The following SRCIN1 variants were observed in gnomAD, a reference collection of about 807,000 sequenced individuals.
SRCIN1 encodes SRC kinase signaling inhibitor 1, also known as P130Cas-associated protein.
A neutral mutation model predicts 116.2 loss-of-function variants in SRCIN1; 50 were observed. That is an observed-to-expected ratio of 0.43 (90% CI 0.34 to 0.54). SRCIN1 has a LOEUF of 0.54. SRCIN1 is among the 20% of genes least tolerant of loss of function. The pLI, the probability that SRCIN1 is intolerant of heterozygous loss-of-function variation, is 0.02. For missense variants in SRCIN1, 1,446 were observed against 1,672.0 expected (o/e 0.86, Z 2.36); for synonymous variants, 736 against 750.0 (o/e 0.98, Z 0.30).
chr17:38,600,315 G>T (rs1043789752), intron 1 of SRCIN1, among the ~76,000 whole-genome samples: 2 of 152,244 alleles, frequency 1.3e-5, no homozygotes, highest in Admixed American at 1.3e-4. Flanking sequence ...ATGCGAAGAG[G>T]CTCTGGGGGA....
chr17:38,552,435 G>A lies in SRCIN1; in HGVS notation c.2480+12C>T. On this transcript the variant is annotated intron_variant, in intron 13 of 18. Transcript: ENST00000617146. This position sits in a 1 kb window ranked among gnomAD's most constrained non-coding sequence, Gnocchi z 5.3. ...GAACCCATGGGAAATCAGAGGTCAG[G>A]GACAGAATGACCTTCGGATCTGGGC... The A allele has an allele frequency of 1.9e-6, 3 of 1,596,958 alleles. No individual in the cohort carries two copies. Among genetic ancestry groups the A allele is most frequent in the Non-Finnish European group, 2.6e-6 (3 of 1,172,798 alleles).
At chr17:38,605,533 C>T in intron 1 of SRCIN1, 151 bp downstream of exon 1, 1 of 440,408 alleles carries the variant, frequency 2.3e-6, no homozygotes, top group South Asian at 3.0e-5. Flanking sequence ...CACACACCTG[C>T]GCCCCAGCAT....
intron 17 of SRCIN1, among the ~76,000 whole-genome samples, chr17:38,546,093 C>T (rs1905056830): frequency 6.6e-6 from 1 of 152,342 alleles, no homozygotes; most frequent in South Asian, 2.1e-4. Flanking sequence ...GCCAGCATCC[C>T]TGGCCCTGGC....
chr17:38,561,834 C>A lies in SRCIN1; in HGVS notation c.1329G>T (p.Leu443=). 6.8e-7 allele frequency: 1 copy of A among 1,477,158 alleles called. No homozygotes were observed. Among genetic ancestry groups the A allele is most frequent in the Non-Finnish European group, 8.9e-7 (1 of 1,123,508 alleles). 91.5% of individuals were successfully genotyped at this position (1,477,158 alleles called of 1,614,324 possible). ...RSLSTYSAAA[L]QSDLEDSLYK... is the part of the protein sequence containing the mutation. ...ACAGGGAGTCCTCCAGATCGGACTGCAGCGCGGCGGCCGAGTAGGTGCTGA... is the reference window on the plus strand; with the variant it reads ...ACAGGGAGTCCTCCAGATCGGACTGAAGCGCGGCGGCCGAGTAGGTGCTGA... The change falls in exon 7 of 19, where the codon CTG becomes CTT. Residue 443 remains leucine, a synonymous_variant. Coordinates refer to ENST00000617146, the MANE Select transcript of SRCIN1 (RefSeq NM_025248.3).
chr17:38,563,793 G>T lies in SRCIN1; in HGVS notation c.542-272C>A. 1 of 654,212 alleles carries T rather than the reference G, an allele frequency of 1.5e-6. No homozygotes were observed. Among genetic ancestry groups the T allele is most frequent in the Non-Finnish European group, 2.7e-6 (1 of 367,688 alleles). The allele number at this position is 654,212 out of a possible 1,614,324, so 40.5% of individuals were successfully genotyped here. ...GAAGTGGGGGCAGAGCAGGTGGGGCGGAAACTGAGGGGAAGTGAGCTGAGG... is the reference window on the plus strand; with the variant it reads ...GAAGTGGGGGCAGAGCAGGTGGGGCTGAAACTGAGGGGAAGTGAGCTGAGG... On this transcript the variant is annotated intron_variant, in intron 4 of 18. Transcript: ENST00000617146. The surrounding 1 kb of genome is among the most constrained non-coding windows in gnomAD (Gnocchi z 5.8).
rs1369958707 is a variant in SRCIN1, at chr17:38,604,570, G to A, written c.22+1114C>T. 2 of 454,180 alleles carry A rather than the reference G, an allele frequency of 4.4e-6. No individual in the cohort carries two copies. Among genetic ancestry groups the A allele is most frequent in the Admixed American group, 2.4e-5 (1 of 42,476 alleles). 28.1% of individuals were successfully genotyped at this position (454,180 alleles called of 1,614,324 possible). The stretch of plus-strand genomic sequence containing the variant: ...CCGCCGTCCTCTCCCACCAGGCCAG[G>A]GCAAAGCGCCGGAGGCACTGCCAGG... On this transcript the variant is annotated intron_variant, in intron 1 of 18. Transcript: ENST00000617146. The surrounding 1 kb of genome is among the most constrained non-coding windows in gnomAD (Gnocchi z 4.3).
In SRCIN1 at chr17:38,533,429, G is replaced by A; in HGVS notation, c.3420C>T (p.Ala1140=). ...CGCTCATCTCTTTAGATGGTTTAGT[G>A]GCCTGGAACAAAAACAGGGGTCAGG... The part of the protein sequence containing the change: ...EYMRIQAQQQ[A]TKPSKEMSGS... Residue 1140 remains alanine, a splice_region_variant and synonymous_variant, in exon 19 of 19, where the codon GCC becomes GCT. Coordinates refer to ENST00000617146, the MANE Select transcript of SRCIN1 (RefSeq NM_025248.3). 1 of 1,612,606 alleles carries A rather than the reference G, an allele frequency of 6.2e-7. No individual in the cohort carries two copies. The highest frequency in any genetic ancestry group is 8.5e-7 in the Non-Finnish European group (1 of 1,179,462).
rs1275451272 is a variant in SRCIN1, at chr17:38,568,146, G to A, written c.345+65C>T. ...CCCGGTGCAAAGCCTGTGCAAGGGA[G>A]AGGCAGGGGCAGGGGAGGGAGAGCA... On this transcript the variant is annotated intron_variant, in intron 3 of 18. Transcript: ENST00000617146. The surrounding 1 kb of genome is among the most constrained non-coding windows in gnomAD (Gnocchi z 4.5). 1.9e-6 allele frequency: 3 copies of A among 1,588,796 alleles called. No individual in the cohort carries two copies. In the East Asian group the frequency reaches 6.7e-5, roughly 36 times the overall value.
At position 38,561,837 on chromosome 17, in the gene SRCIN1, C is replaced by T. The variant is rs1478479047; in HGVS notation, c.1326G>A (p.Ala442=). 3.4e-6 allele frequency: 5 copies of T among 1,475,554 alleles called. No homozygotes were observed. The Admixed American group carries it at 1.3e-4, about 37-fold the overall frequency. The allele number at this position is 1,475,554 out of a possible 1,614,324, so 91.4% of individuals were successfully genotyped here. A position where few individuals can be genotyped will look rare whatever the true frequency, so the allele number is the denominator to read the frequency against. Residue 442 remains alanine (A), a synonymous_variant, in exon 7 of 19, where the codon GCG becomes GCA. Coordinates refer to ENST00000617146, the MANE Select transcript of SRCIN1 (RefSeq NM_025248.3). ...GGGAGTCCTCCAGATCGGACTGCAG[C>T]GCGGCGGCCGAGTAGGTGCTGAGCG... is the stretch of plus-strand genomic sequence containing the variant. ...VRSLSTYSAA[A]LQSDLEDSLY...
At chr17:38,546,889 C>T (rs377630872) in intron 17 of SRCIN1, among the ~76,000 whole-genome samples, 9 of 147,406 alleles carry the variant, frequency 6.1e-5, no homozygotes, top group South Asian at 4.3e-4. Context: ...TGTGTGCACA[C>T]GGGAGGCTCT....
rs1381304684 is a variant in SRCIN1 at position 38,552,583 on chromosome 17, C to G, written c.2344G>C (p.Gly782Arg). ...ACCACCCGCATCTTGCTCTGCAGGC[C>G]CGGGAAGTGAGCTGAGGAGACAGGA... Reference protein sequence around the residue: ...TLTELKAHFPGLQSKMRVVLR... With the variant: ...TLTELKAHFPRLQSKMRVVLR... Residue 782 changes from glycine to arginine, a missense_variant, in exon 13 of 19, where the codon GGC becomes CGC. Coordinates refer to ENST00000617146, the MANE Select transcript of SRCIN1 (RefSeq NM_025248.3). The surrounding 1 kb of genome is among the most constrained non-coding windows in gnomAD (Gnocchi z 5.3). 5 of 1,611,800 alleles carry G rather than the reference C, an allele frequency of 3.1e-6. No individual in the cohort carries two copies. Among genetic ancestry groups the G allele is most frequent in the Non-Finnish European group, 4.2e-6 (5 of 1,179,362 alleles).
chr17:38,551,464 C>A lies in SRCIN1; in HGVS notation c.2728-75G>T, dbSNP rs933756574. On this transcript the variant is annotated intron_variant, in intron 14 of 18. Transcript: ENST00000617146. ...ACCTCTGGGGCCTCAGCCTCCTCCCCCAAGCCACGTAGGCAAGGAATAGAA... is the reference window on the plus strand; with the variant it reads ...ACCTCTGGGGCCTCAGCCTCCTCCCACAAGCCACGTAGGCAAGGAATAGAA... 9 of 1,273,144 alleles carry A rather than the reference C, an allele frequency of 7.1e-6. No individual in the cohort carries two copies. The African/African-American group carries it at 1.0e-4, about 15-fold the overall frequency. The allele number at this position is 1,273,144 out of a possible 1,614,324, so 78.9% of individuals were successfully genotyped here. A position where few individuals can be genotyped will look rare whatever the true frequency, so the allele number is the denominator to read the frequency against.
chr17:38,549,950 A>G (rs1362486734), intron 15 of SRCIN1, among the ~76,000 whole-genome samples: 1 of 152,204 alleles, frequency 6.6e-6, no homozygotes, highest in Non-Finnish European at 1.5e-5. Context: ...TAGCTAGGGA[A>G]GTGCCCACTC....
intron 1 of SRCIN1, among the ~76,000 whole-genome samples, chr17:38,580,050 C>A (rs1485359949): frequency 6.6e-6 from 1 of 152,182 alleles, no homozygotes; most frequent in African/African-American, 2.4e-5. Flanking sequence ...GACACATGCA[C>A]TCCCGCCCCC....
intron 2 of SRCIN1, among the ~76,000 whole-genome samples, chr17:38,575,327 G>A (rs2143295425): frequency 6.6e-6 from 1 of 152,224 alleles, no homozygotes; most frequent in Non-Finnish European, 1.5e-5. Flanking sequence ...ATGGCTCACT[G>A]CAGCCTTAAC....
chr17:38,590,383 G>A (rs979686641), intron 1 of SRCIN1, among the ~76,000 whole-genome samples: 38 of 152,246 alleles, frequency 2.5e-4, no homozygotes, highest in Admixed American at 1.4e-3. Context: ...CTACAGGCCC[G>A]TGCCACCACA....
intron 1 of SRCIN1, among the ~76,000 whole-genome samples, chr17:38,599,954 G>A (rs1183524005): frequency 6.6e-6 from 1 of 152,194 alleles, no homozygotes; most frequent in Non-Finnish European, 1.5e-5. Context: ...AGAGATGTCT[G>A]TCCCCTATCC....
At position 38,550,260 on chromosome 17, in the gene SRCIN1, C is replaced by T. The variant is rs539974332; in HGVS notation, c.2962+895G>A. Among the ~76,000 whole-genome samples the T allele has an allele frequency of 2.5e-4, 38 of 152,218 alleles. No homozygotes were observed. In the South Asian group the frequency reaches 6.9e-3, roughly 27 times the overall value. On this transcript the variant is annotated intron_variant, in intron 15 of 18. Coordinates refer to ENST00000617146, the MANE Select transcript of SRCIN1 (RefSeq NM_025248.3). ...CTGTAATCCCAGCACTTTGGGAGGC[C>T]AAGGTGGGCGGATCACGAGGTCAGG...
intron 17 of SRCIN1, chr17:38,546,621 G>C (rs1227548495): frequency 6.6e-6 from 1 of 152,524 alleles, no homozygotes; most frequent in East Asian, 1.9e-4. Flanking sequence ...GAAAGGGGCA[G>C]GGCTTGGATG....
Sources: allele counts gnomAD v4.1 joint callset (sites outside exome capture counted in the v4.1 genomes callset), GRCh38; gene constraint gnomAD v4.1.1; non-coding constraint Gnocchi (gnomAD v3.1); transcripts MANE v1.5; gene names NCBI Gene and HGNC (gene_info 2026-07-23, HGNC 2026-07-21).